The following PLCD3 variants were observed in gnomAD, a reference collection of about 807,000 sequenced individuals.
PLCD3 encodes the protein 1-phosphatidylinositol 4,5-bisphosphate phosphodiesterase delta-3.
Under a neutral mutation model 82.8 loss-of-function variants are expected in PLCD3, and 62 were observed. The ratio of observed to expected loss-of-function variants is 0.75; its 90% confidence interval spans 0.61 to 0.93. The LOEUF is 0.93. PLCD3 is among the 40% of genes least tolerant of loss of function. PLCD3 has a pLI of 0.00. For synonymous variants in PLCD3, 478 were observed against 471.8 expected (o/e 1.01, Z -0.17); for missense variants, 1,023 against 1,103.4 (o/e 0.93, Z 1.03).
chr17:45,132,452 G>T lies in PLCD3; in HGVS notation c.-42C>A, dbSNP rs2054477579. 8.7e-7 allele frequency: 1 copy of T among 1,155,434 alleles called. No individual in the cohort carries two copies. The highest frequency in any genetic ancestry group is 1.1e-6 in the Non-Finnish European group (1 of 930,958). 71.6% of individuals were successfully genotyped at this position (1,155,434 alleles called of 1,614,324 possible). On this transcript the variant is annotated 5_prime_UTR_variant, in exon 1 of 15. Coordinates refer to ENST00000619929, the MANE Select transcript of PLCD3 (RefSeq NM_133373.5). The surrounding 1 kb of genome is among the most constrained non-coding windows in gnomAD (Gnocchi z 4.6). Reference sequence around the variant, plus strand: ...GGGGCCGGGCCCGGGGTCTGCACGCGGGGACAGGGCAGCGGGGCGCCGCTC... The same window carrying T: ...GGGGCCGGGCCCGGGGTCTGCACGCTGGGACAGGGCAGCGGGGCGCCGCTC...
At chr17:45,117,018 C>A (rs2054296913) in intron 7 of PLCD3, among the ~76,000 whole-genome samples, 1 of 152,122 alleles carries the variant, frequency 6.6e-6, no homozygotes, top group Non-Finnish European at 1.5e-5. Flanking sequence ...AATCTCAGCT[C>A]ACTACAATTC....
rs886716557 is a variant in PLCD3 at position 45,111,149 on chromosome 17, G to A, written c.*1467C>T. ...GATTTTCTCCAGATTCTGTCGCCTA[G>A]TGTCCAGTGCGCTCTCCTGGCATTT... On this transcript the variant is annotated 3_prime_UTR_variant, in exon 15 of 15. Coordinates refer to ENST00000619929, the MANE Select transcript of PLCD3 (RefSeq NM_133373.5). 6.6e-6 allele frequency: 1 copy of A among 152,244 alleles called. No homozygotes were observed. The allele number at this position is 152,244 out of a possible 1,614,324, so 9.4% of individuals were successfully genotyped here. A position where few individuals can be genotyped will look rare whatever the true frequency, so the allele number is the denominator to read the frequency against.
chr17:45,114,947 G>A (rs1297755256), intron 10 of PLCD3, 147 bp downstream of exon 10: 11 of 1,197,260 alleles, frequency 9.2e-6, no homozygotes, highest in Admixed American at 2.8e-5. Flanking sequence ...TGGCATGTGC[G>A]GGGCCCTCAT....
chr17:45,128,373 G>T (rs2054396948), intron 1 of PLCD3, among the ~76,000 whole-genome samples: 1 of 152,198 alleles, frequency 6.6e-6, no homozygotes. Flanking sequence ...ACAGGGCCTG[G>T]CAGAGCCAGC....
At position 45,132,499 on chromosome 17, in the gene PLCD3, C is replaced by A. The variant is rs1049371423; in HGVS notation, c.-89G>T. 3.1e-5 allele frequency: 23 copies of A among 751,454 alleles called. No homozygotes were observed. Among genetic ancestry groups the A allele is most frequent in the Non-Finnish European group, 3.8e-5 (23 of 601,658 alleles). The allele number at this position is 751,454 out of a possible 1,614,324, so 46.5% of individuals were successfully genotyped here. A position where few individuals can be genotyped will look rare whatever the true frequency, so the allele number is the denominator to read the frequency against. ...GCTCTGGCCCGGCCCCGGCTCTGAG[C>A]GAGGCGGCGAGCGAAGAAACTTAGC... is the stretch of plus-strand genomic sequence containing the variant. On this transcript the variant is annotated 5_prime_UTR_variant, in exon 1 of 15. Transcript: ENST00000619929. This position sits in a 1 kb window ranked among gnomAD's most constrained non-coding sequence, Gnocchi z 4.6.
chr17:45,121,162 C>A (rs755831205), intron 2 of PLCD3, 32 bp from the exon 3 acceptor site: 1 of 1,522,154 alleles, frequency 6.6e-7, no homozygotes, highest in South Asian at 1.2e-5. Context: ...GGCGGAGGAC[C>A]GGGCCTGTCC....
At position 45,121,269 on chromosome 17, in the gene PLCD3, C is replaced by A. The variant is rs2054337460; in HGVS notation, c.267G>T (p.Glu89Asp). The change falls in exon 2 of 15, where the codon GAG becomes GAT. Residue 89 changes from glutamate (E) to aspartate (D), a missense_variant. Transcript: ENST00000619929. ...GCTGGAACCACACGCTCAGGCCGTCCTCCTGCAGCCGGTACAGCCGCTCCT... is the reference window on the plus strand; with the variant it reads ...GCTGGAACCACACGCTCAGGCCGTCATCCTGCAGCCGGTACAGCCGCTCCT... ...WHKERLYRLQ[E>D]DGLSVWFQRR... is the part of the protein sequence containing the mutation. 6.3e-6 allele frequency: 10 copies of A among 1,590,342 alleles called. No homozygotes were observed. In the East Asian group the frequency reaches 2.3e-4, roughly 36 times the overall value.
Position 45,120,963 on chromosome 17 carries a change from G to T in PLCD3, c.493C>A (p.Arg165Ser), listed in dbSNP as rs2054332741. ...PTAEEAQRWVRGLTKLRARLD... is the reference protein window; with the variant it reads ...PTAEEAQRWVSGLTKLRARLD... ...CGCGCGCGGAGCTTGGTCAGACCGC[G>T]CACCCAGCGCTGCGCTTCCTCAGCC... The change falls in exon 3 of 15, where the codon CGC becomes AGC. Residue 165 changes from arginine to serine, a missense_variant. Physicochemically the swap from Arg to Ser is moderately radical, Grantham distance 110 (BLOSUM62 -1). Around this residue, in one of 3 missense-constraint regions of PLCD3, gnomAD observed 448 missense variants for 406.3 expected, o/e 1.10. Coordinates refer to ENST00000619929, the MANE Select transcript of PLCD3 (RefSeq NM_133373.5). 6.6e-7 allele frequency: 1 copy of T among 1,518,364 alleles called. No homozygotes were observed. The highest frequency in any genetic ancestry group is 8.8e-7 in the Non-Finnish European group (1 of 1,140,420). 94.1% of individuals were successfully genotyped at this position (1,518,364 alleles called of 1,614,324 possible). A position where few individuals can be genotyped will look rare whatever the true frequency, so the allele number is the denominator to read the frequency against.
chr17:45,120,789 C>G, intron 3 of PLCD3, 113 bp downstream of exon 3: 1 of 1,116,936 alleles, frequency 9.0e-7, no homozygotes, highest in Non-Finnish European at 1.1e-6. Context: ...AGACCGTGCG[C>G]CCTCAGGACA....
Position 45,118,066 on chromosome 17 carries a change from A to T in PLCD3, c.1188T>A (p.Tyr396Ter). 6.2e-7 allele frequency: 1 copy of T among 1,613,860 alleles called. No individual in the cohort carries two copies. The highest frequency in any genetic ancestry group is 1.6e-4 in the Middle Eastern group (1 of 6,062). The change falls in exon 7 of 15, where the codon TAT becomes TAA. Residue 396 changes from tyrosine to a stop codon, truncating the protein, a stop_gained. Coordinates refer to ENST00000619929, the MANE Select transcript of PLCD3 (RefSeq NM_133373.5). LOFTEE classifies it high-confidence loss of function. The surrounding 1 kb of genome is among the most constrained non-coding windows in gnomAD (Gnocchi z 4.1). ...WEGPGGEPVI[Y>*]HGHTLTSKIL... ...TCTTGGAGGTGAGGGTATGGCCATG[A>T]TAGATGACGGGCTCCCCTCCTGGCC...
chr17:45,112,835 C>A (rs767007349), intron 14 of PLCD3, 28 bp downstream of exon 14: 1 of 1,610,480 alleles, frequency 6.2e-7, no homozygotes, highest in East Asian at 2.2e-5. Flanking sequence ...ACCCACATCC[C>A]TCTCCATCCC....
At position 45,113,413 on chromosome 17, in the gene PLCD3, A is replaced by T. The variant is rs1350632648; in HGVS notation, c.1995+26T>A. 2.5e-6 allele frequency: 4 copies of T among 1,577,100 alleles called. No homozygotes were observed. In the Admixed American group the frequency reaches 7.4e-5, roughly 29 times the overall value. ...CTTTCTAGAACCAGTCTGACCCCAC[A>T]CTGGGGCCCGTTCCAGCCTGCTGAC... On this transcript the variant is annotated intron_variant, in intron 12 of 14. Transcript: ENST00000619929.
Position 45,115,316 on chromosome 17 carries a change from T to TTCCC in PLCD3, c.1560+27_1560+28insGGGA. ...ATCCGTCCTCCCACCTTCCCCCCCT[T>TTCCC]CCCCACCCCACCCATCCCAGCTCTC... On this transcript the variant is annotated intron_variant, in intron 9 of 14. Transcript: ENST00000619929. 4 of 1,474,940 alleles carry TTCCC rather than the reference T, an allele frequency of 2.7e-6. No individual in the cohort carries two copies. In the South Asian group the frequency reaches 3.7e-5, roughly 14 times the overall value. 91.4% of individuals were successfully genotyped at this position (1,474,940 alleles called of 1,614,324 possible).
intron 1 of PLCD3, among the ~76,000 whole-genome samples, chr17:45,123,703 C>G (rs1015847039): frequency 1.3e-5 from 2 of 152,194 alleles, no homozygotes; most frequent in South Asian, 2.1e-4. Flanking sequence ...ATTTTTAAAA[C>G]CCACTTTGAC....
At position 45,116,685 on chromosome 17, in the gene PLCD3, G is replaced by C. The variant is rs774603827; in HGVS notation, c.1360C>G (p.Leu454Val). The change falls in exon 8 of 15, where the codon CTG becomes GTG. Residue 454 changes from leucine to valine, a missense_variant. This residue lies in a region of PLCD3 where 553 missense variants were observed against 655.7 expected (regional missense o/e 0.84). Transcript: ENST00000619929. ...RHLCTILGDM[L>V]VTQALDSPNP... is the part of the protein sequence containing the mutation. ...GGGGAGTCCAGCGCCTGTGTCACCA[G>C]CATGTCCCCCAGGATGGTGCAGAGG... The C allele has an allele frequency of 9.3e-6, 15 of 1,610,778 alleles. No individual in the cohort carries two copies. Among genetic ancestry groups the C allele is most frequent in the Non-Finnish European group, 1.3e-5 (15 of 1,178,194 alleles).
In PLCD3 at chr17:45,116,576, G is replaced by A. The variant is rs1435121295; in HGVS notation, c.1413+56C>T. Reference sequence around the variant, plus strand: ...ACAGAGGTGGCACGAGCAGTGCGGGGAGGCGGACTCCCACCAGACCTCCCT... The same window carrying A: ...ACAGAGGTGGCACGAGCAGTGCGGGAAGGCGGACTCCCACCAGACCTCCCT... On this transcript the variant is annotated intron_variant, in intron 8 of 14. Transcript: ENST00000619929. 3 of 1,498,026 alleles carry A rather than the reference G, an allele frequency of 2.0e-6. No homozygotes were observed. The African/African-American group carries it at 4.2e-5, about 21-fold the overall frequency. 92.8% of individuals were successfully genotyped at this position (1,498,026 alleles called of 1,614,324 possible).
Position 45,117,992 on chromosome 17 carries a change from A to G in PLCD3, c.1260+2T>C. The G allele has an allele frequency of 6.2e-7, 1 of 1,613,088 alleles. No individual in the cohort carries two copies. Among genetic ancestry groups the G allele is most frequent in the Middle Eastern group, 1.7e-4 (1 of 6,056 alleles). On this transcript the variant is annotated splice_donor_variant, in intron 7 of 14. Transcript: ENST00000619929. LOFTEE classifies it high-confidence loss of function. ...CTGGGGCTGGGCATCCCAGGGGCTCACCGTGAAGGCATGGTCGCGCACGGC... is the reference window on the plus strand; with the variant it reads ...CTGGGGCTGGGCATCCCAGGGGCTCGCCGTGAAGGCATGGTCGCGCACGGC...
chr17:45,131,361 C>T (rs2054442127), intron 1 of PLCD3, among the ~76,000 whole-genome samples: 1 of 152,220 alleles, frequency 6.6e-6, no homozygotes, highest in Non-Finnish European at 1.5e-5. Context: ...TTCAGTGGCG[C>T]GGTCCTTTCC....
chr17:45,115,006 C>T (rs1427886480), intron 10 of PLCD3, 88 bp downstream of exon 10: 1 of 1,497,688 alleles, frequency 6.7e-7, no homozygotes, highest in Non-Finnish European at 8.9e-7. Flanking sequence ...CTTTACTGTC[C>T]CCCAAAGCCC....
Sources: allele counts gnomAD v4.1 joint callset (sites outside exome capture counted in the v4.1 genomes callset), GRCh38; gene constraint gnomAD v4.1.1; regional missense constraint gnomAD v4.1.1; non-coding constraint Gnocchi (gnomAD v3.1); transcripts MANE v1.5; gene names NCBI Gene and HGNC (gene_info 2026-07-23, HGNC 2026-07-21).